The following GNG7 variants were observed in gnomAD, a reference collection of about 807,000 sequenced individuals.
GNG7 encodes the protein G protein subunit gamma 7.
In GNG7, 1 loss-of-function variant was observed where a neutral mutation model predicts 4.0. The ratio of observed to expected loss-of-function variants is 0.25; its 90% CI spans 0.09 to 1.18. The LOEUF is 1.18. GNG7 is among the 50% of genes most tolerant of loss of function. The pLI is 0.50. For synonymous variants in GNG7, 34 were observed against 36.9 expected (o/e 0.92, Z 0.29); for missense variants, 86 against 91.9 (o/e 0.94, Z 0.26).
At chr19:2,571,129 C>T (rs571605903) in intron 2 of GNG7, among the ~76,000 whole-genome samples, 1 of 148,924 alleles carries the variant, frequency 6.7e-6, no homozygotes, top group South Asian at 2.2e-4. Context: ...CAAACAACAA[C>T]ACATGCACCA....
At chr19:2,569,028 C>T (rs562992161) in intron 2 of GNG7, among the ~76,000 whole-genome samples, 1 of 148,864 alleles carries the variant, frequency 6.7e-6, no homozygotes, top group South Asian at 2.1e-4. Context: ...GACACATATA[C>T]ACAAAAGCAC....
At chr19:2,655,205 A>G (rs912293940) in intron 1 of GNG7, among the ~76,000 whole-genome samples, 4 of 149,216 alleles carry the variant, frequency 2.7e-5, no homozygotes, top group African/African-American at 7.5e-5. Flanking sequence ...AAAAAAAAAA[A>G]CCACACACAC....
chr19:2,542,037 C>T (rs1978977618), intron 3 of GNG7, among the ~76,000 whole-genome samples: 1 of 151,486 alleles, frequency 6.6e-6, no homozygotes. Context: ...GGCGGCCCTT[C>T]CAAAGAGCTC....
intron 1 of GNG7, chr19:2,683,762 AGCTGTGAAAAACCTGCCTGGG>A (rs1272784235): frequency 6.6e-6 from 1 of 152,396 alleles, no homozygotes; most frequent in Non-Finnish European, 1.5e-5. Context: ...AAATTAACTG[AGCTGTGAAAAACCTGCCTGGG>A]GCTGACCGGC....
At chr19:2,603,857 A>G (rs1011112012) in intron 2 of GNG7, among the ~76,000 whole-genome samples, 1 of 148,462 alleles carries the variant, frequency 6.7e-6, no homozygotes, top group Non-Finnish European at 1.5e-5. Flanking sequence ...TATTATTATT[A>G]TTTTATTTTT....
At chr19:2,672,939 A>C (rs957655070) in intron 1 of GNG7, among the ~76,000 whole-genome samples, 19 of 152,050 alleles carry the variant, frequency 1.2e-4, no homozygotes, top group African/African-American at 4.6e-4. Context: ...ACATTTTACA[A>C]AACTCCTGAC....
At chr19:2,550,523 C>G (rs115610854) in intron 3 of GNG7, among the ~76,000 whole-genome samples, 3 of 152,128 alleles carry the variant, frequency 2.0e-5, no homozygotes, top group Non-Finnish European at 2.9e-5. Flanking sequence ...CCACCGCTCC[C>G]GGCCACCTCT....
chr19:2,563,723 CT>C (rs1979816960), intron 2 of GNG7, among the ~76,000 whole-genome samples: 1 of 152,148 alleles, frequency 6.6e-6, no homozygotes, highest in South Asian at 2.1e-4. Context: ...CTCAAGTGAT[CT>C]GCCCACCTCG....
chr19:2,653,434 C>A lies in GNG7; in HGVS notation c.-134-7154G>T, dbSNP rs1213568494. Among the ~76,000 whole-genome samples the A allele has an allele frequency of 6.6e-6, 1 of 152,206 alleles. No individual in the cohort carries two copies. Among genetic ancestry groups the A allele is most frequent in the East Asian group, 1.9e-4 (1 of 5,192 alleles). ...AGGCTGCACACATTGAAATCCACAT[C>A]CTGAGTGGGGCGGAGGGAGGAGGAG... On this transcript the variant is annotated intron_variant, in intron 1 of 4. Transcript: ENST00000382159. The surrounding 1 kb of genome is among the most constrained non-coding windows in gnomAD (Gnocchi z 4.8).
At chr19:2,615,682 C>T (rs541821152) in intron 2 of GNG7, among the ~76,000 whole-genome samples, 115 of 151,994 alleles carry the variant, frequency 7.6e-4, no homozygotes, top group African/African-American at 2.6e-3. Context: ...CCAGGATGGT[C>T]TCGATGTCCT....
chr19:2,634,745 G>A lies in GNG7; in HGVS notation c.-78+11479C>T, dbSNP rs1281586745. The stretch of plus-strand genomic sequence containing the variant: ...CTGATAATAACGTGAATTTCAACAC[G>A]ACCAGGACATGCTGAAATCTGGTGA... On this transcript the variant is annotated intron_variant, in intron 2 of 4. Transcript: ENST00000382159. The surrounding 1 kb of genome is among the most constrained non-coding windows in gnomAD (Gnocchi z 5.3). Among the ~76,000 whole-genome samples, 1 of 152,074 alleles carries A rather than the reference G, an allele frequency of 6.6e-6. No homozygotes were observed. Among genetic ancestry groups the A allele is most frequent in the Admixed American group, 6.5e-5 (1 of 15,270 alleles).
Position 2,603,214 on chromosome 19 carries a change from G to C in GNG7, c.-78+43010C>G, listed in dbSNP as rs976032956. Among the ~76,000 whole-genome samples, 13 of 152,004 alleles carry C rather than the reference G, an allele frequency of 8.6e-5. No homozygotes were observed. In the South Asian group the frequency reaches 1.5e-3, roughly 17 times the overall value. ...CCCGAGTAGCTGGGATTACAGGTGC[G>C]CACCACCATGCCTGGCTAATTTTTG... is the stretch of plus-strand genomic sequence containing the variant. On this transcript the variant is annotated intron_variant, in intron 2 of 4. Coordinates refer to ENST00000382159, the MANE Select transcript of GNG7 (RefSeq NM_052847.3).
At chr19:2,649,722 C>A (rs1228097260) in intron 1 of GNG7, among the ~76,000 whole-genome samples, 1 of 152,126 alleles carries the variant, frequency 6.6e-6, no homozygotes, top group Non-Finnish European at 1.5e-5. Flanking sequence ...TTATTGTGAA[C>A]TAACGCCTGT....
chr19:2,568,359 GCA>G (rs1212770581), intron 2 of GNG7, among the ~76,000 whole-genome samples: 10 of 145,088 alleles, frequency 6.9e-5, no homozygotes, highest in Non-Finnish European at 1.2e-4. Flanking sequence ...ACACACACGT[GCA>G]CATACACACA....
At position 2,514,993 on chromosome 19, in the gene GNG7, A is replaced by C; in HGVS notation, c.*29T>G. 1.3e-6 allele frequency: 2 copies of C among 1,577,320 alleles called. No individual in the cohort carries two copies. The highest frequency in any genetic ancestry group is 1.7e-6 in the Non-Finnish European group (2 of 1,147,238). On this transcript the variant is annotated 3_prime_UTR_variant, in exon 5 of 5. Coordinates refer to ENST00000382159, the MANE Select transcript of GNG7 (RefSeq NM_052847.3). ...CAGAGAGAGAGAGAGAGAAAGAGAG[A>C]GAGAGAGAGAGAACATATGAGAACA...
chr19:2,512,914 C>G lies in GNG7; in HGVS notation c.*2108G>C. On this transcript the variant is annotated 3_prime_UTR_variant, in exon 5 of 5. Transcript: ENST00000382159. The surrounding 1 kb of genome is among the most constrained non-coding windows in gnomAD (Gnocchi z 4.7). ...TATGCGTGGTGGGGACGCCCACACC[C>G]CAAACCCTGCCGGCTCCCAGCCCAA... The G allele has an allele frequency of 1.0e-6, 1 of 985,506 alleles. No homozygotes were observed. 61.0% of individuals were successfully genotyped at this position (985,506 alleles called of 1,614,324 possible). A position where few individuals can be genotyped will look rare whatever the true frequency, so the allele number is the denominator to read the frequency against.
Position 2,553,806 on chromosome 19 carries a change from A to AAT in GNG7, c.-38+1341_-38+1342dup, listed in dbSNP as rs578229458. Reference sequence around the variant, plus strand: ...TCACACACATGTACGTATCATGTGTAATATATCACATACATGTACATATTA... The same window carrying AAT: ...TCACACACATGTACGTATCATGTGTAATATATATCACATACATGTACATATTA... On this transcript the variant is annotated intron_variant, in intron 3 of 4. Coordinates refer to ENST00000382159, the MANE Select transcript of GNG7 (RefSeq NM_052847.3). 1.0e-3 allele frequency among the ~76,000 whole-genome samples: 123 copies of AAT among 121,642 alleles called. 1 individual carries two copies. In the South Asian group the frequency reaches 0.013, roughly 13 times the overall value. The allele number at this position is 121,642 out of a possible 152,430, so 79.8% of individuals were successfully genotyped here.
At chr19:2,693,520 C>T (rs1162322425) in intron 1 of GNG7, among the ~76,000 whole-genome samples, 1 of 151,998 alleles carries the variant, frequency 6.6e-6, no homozygotes, top group East Asian at 1.9e-4. Context: ...TACCATCTTC[C>T]AAAGAGTAAC....
chr19:2,576,541 G>GTATTTATT lies in GNG7; in HGVS notation c.-77-21361_-77-21354dup, dbSNP rs111791355. Among the ~76,000 whole-genome samples, 636 of 152,058 alleles carry GTATTTATT rather than the reference G, an allele frequency of 4.2e-3. 3 individuals carry two copies. Among genetic ancestry groups the GTATTTATT allele is most frequent in the African/African-American group, 0.015 (611 of 41,424 alleles). On this transcript the variant is annotated intron_variant, in intron 2 of 4. Transcript: ENST00000382159. ...AACTTGGTCTTTTTTATTTTATTAT[G>GTATTTATT]TATTTATTTATTTATTTATTTAAGA... is the stretch of plus-strand genomic sequence containing the variant.
Sources: gnomAD v4.1 joint callset for allele counts (sites outside exome capture counted in the v4.1 genomes callset) on GRCh38, gnomAD v4.1.1 for gene constraint, Gnocchi (gnomAD v3.1) non-coding constraint, MANE v1.5 for transcripts, NCBI Gene and HGNC (gene_info 2026-07-23, HGNC 2026-07-21) for gene names.